Variants in GPC5 observed in about 807,000 individuals in gnomAD.
GPC5 encodes glypican-5.
GPC5 carries 47 observed loss-of-function variants against 53.9 expected under a neutral mutation model. The observed-to-expected ratio is 0.87, with a 90% CI of 0.69 to 1.11. The LOEUF (loss-of-function observed/expected upper bound fraction) is 1.11. Among genes scored for constraint, GPC5 ranks in the 50% most tolerant of loss-of-function variants. The probability of loss-of-function intolerance (pLI) is 0.00; values close to 1 mark genes in which losing one functional copy is unlikely to be tolerated. For synonymous variants in GPC5, 286 were observed against 263.3 expected (o/e 1.09, Z -0.84); for missense variants, 748 against 713.1 (o/e 1.05, Z -0.56).
chr13:92,334,538 C>T (rs1007814576), intron 7 of GPC5, among the ~76,000 whole-genome samples: 5 of 152,118 alleles, frequency 3.3e-5, no homozygotes, highest in Admixed American at 1.3e-4. Context: ...CAATTATGCC[C>T]TCCCAACAGT....
At chr13:92,315,180 G>A (rs546530144) in intron 7 of GPC5, among the ~76,000 whole-genome samples, 4 of 152,256 alleles carry the variant, frequency 2.6e-5, no homozygotes, top group East Asian at 3.9e-4. Flanking sequence ...CGATATATTC[G>A]GAAGGTTACA....
intron 2 of GPC5, among the ~76,000 whole-genome samples, chr13:91,477,387 T>G (rs1882992475): frequency 6.6e-6 from 1 of 152,140 alleles, no homozygotes; most frequent in Non-Finnish European, 1.5e-5. Context: ...CCCTTGGGTT[T>G]CTGGCTTGAA....
In GPC5 at chr13:92,021,004, C is replaced by T. The variant is rs2040753306; in HGVS notation, c.1401+112947C>T. Among the ~76,000 whole-genome samples the T allele has an allele frequency of 2.0e-5, 3 of 152,006 alleles. No homozygotes were observed. In the South Asian group the frequency reaches 6.2e-4, roughly 32 times the overall value. On this transcript the variant is annotated intron_variant, in intron 6 of 7. Coordinates refer to ENST00000377067, the MANE Select transcript of GPC5 (RefSeq NM_004466.6). ...ATTTTGAGTTGATTTTTGTGTACGC[C>T]ATAAAATAAGGGTCTAATTTCATTC... is the stretch of plus-strand genomic sequence containing the variant.
At chr13:92,077,630 T>C (rs544447098) in intron 6 of GPC5, among the ~76,000 whole-genome samples, 51 of 152,316 alleles carry the variant, frequency 3.3e-4, no homozygotes, top group Non-Finnish European at 5.9e-4. Flanking sequence ...TGCTGCTTCC[T>C]CCTTGATCTG....
At chr13:91,677,188 G>A (rs1010181957) in intron 2 of GPC5, among the ~76,000 whole-genome samples, 6 of 152,098 alleles carry the variant, frequency 3.9e-5, no homozygotes, top group Non-Finnish European at 8.8e-5. Flanking sequence ...AAAGAAAAAG[G>A]GAATCATAAG....
chr13:92,426,756 A>G (rs930793739), intron 7 of GPC5, among the ~76,000 whole-genome samples: 3 of 152,070 alleles, frequency 2.0e-5, no homozygotes, highest in African/African-American at 7.2e-5. Context: ...AAAAATTAAG[A>G]AACTATGGAT....
intron 7 of GPC5, among the ~76,000 whole-genome samples, chr13:92,395,867 T>C (rs1407521959): frequency 6.6e-6 from 1 of 152,016 alleles, no homozygotes; most frequent in Non-Finnish European, 1.5e-5. Flanking sequence ...TGTTTTGGTT[T>C]TCTGCAGTTT....
intron 7 of GPC5, among the ~76,000 whole-genome samples, chr13:92,611,570 C>A (rs1411165459): frequency 2.0e-5 from 3 of 150,244 alleles, no homozygotes; most frequent in African/African-American, 7.6e-5. Context: ...AAAATGGAAT[C>A]TGTTAGTAGT....
At chr13:92,803,459 C>A (rs1373232445) in intron 7 of GPC5, among the ~76,000 whole-genome samples, 1 of 151,908 alleles carries the variant, frequency 6.6e-6, no homozygotes, top group Non-Finnish European at 1.5e-5. Context: ...CATAAACTCT[C>A]TTGGGAGCCT....
intron 7 of GPC5, among the ~76,000 whole-genome samples, chr13:92,360,073 G>A (rs2043553783): frequency 6.6e-6 from 1 of 151,642 alleles, no homozygotes; most frequent in South Asian, 2.1e-4. Flanking sequence ...AAGCTCTTAA[G>A]TTTAATTAGA....
chr13:91,676,289 T>A (rs896955586), intron 2 of GPC5, among the ~76,000 whole-genome samples: 4 of 152,172 alleles, frequency 2.6e-5, no homozygotes, highest in African/African-American at 4.8e-5. Flanking sequence ...CAGGCTGGTC[T>A]TGAACTCCTG....
At chr13:92,164,942 T>C (rs1459234078) in intron 7 of GPC5, among the ~76,000 whole-genome samples, 1 of 152,222 alleles carries the variant, frequency 6.6e-6, no homozygotes, top group Non-Finnish European at 1.5e-5. Flanking sequence ...TCTGAAGCAA[T>C]GGCCTGAGCT....
chr13:92,733,051 G>A (rs1048204488), intron 7 of GPC5, among the ~76,000 whole-genome samples: 20 of 151,588 alleles, frequency 1.3e-4, no homozygotes, highest in African/African-American at 4.4e-4. Context: ...TTACCAATAC[G>A]GGACAACAAT....
intron 7 of GPC5, among the ~76,000 whole-genome samples, chr13:92,598,669 A>C (rs1159324375): frequency 6.6e-6 from 1 of 152,198 alleles, no homozygotes; most frequent in Non-Finnish European, 1.5e-5. Flanking sequence ...ATAAATTTAC[A>C]CCGAACAAAT....
chr13:92,846,746 C>T (rs1878625116), intron 7 of GPC5, among the ~76,000 whole-genome samples: 2 of 152,306 alleles, frequency 1.3e-5, no homozygotes, highest in South Asian at 2.1e-4. Context: ...ATTTAGATAA[C>T]TTCTAACAGC....
At chr13:92,678,803 G>A (rs1366489515) in intron 7 of GPC5, among the ~76,000 whole-genome samples, 1 of 152,170 alleles carries the variant, frequency 6.6e-6, no homozygotes, top group Non-Finnish European at 1.5e-5. Context: ...GATCCAGGTA[G>A]TGAGATGTTA....
At chr13:91,800,577 C>G (rs140085513) in intron 5 of GPC5, among the ~76,000 whole-genome samples, 15 of 152,200 alleles carry the variant, frequency 9.9e-5, no homozygotes, top group African/African-American at 3.1e-4. Flanking sequence ...CGTTTTCAAT[C>G]CTCTAATCAT....
intron 7 of GPC5, among the ~76,000 whole-genome samples, chr13:92,271,970 T>C (rs1354288796): frequency 6.6e-6 from 1 of 152,202 alleles, no homozygotes; most frequent in Non-Finnish European, 1.5e-5. Context: ...CCTAATAGGA[T>C]GACGGGAGTC....
intron 7 of GPC5, among the ~76,000 whole-genome samples, chr13:92,847,460 C>A (rs1878649257): frequency 6.6e-6 from 1 of 152,030 alleles, no homozygotes; most frequent in Non-Finnish European, 1.5e-5. Flanking sequence ...TTGCTCTTCT[C>A]TTGATAGTGA....
Sources: gnomAD v4.1 joint callset for allele counts (sites outside exome capture counted in the v4.1 genomes callset) on GRCh38, gnomAD v4.1.1 for gene constraint, MANE v1.5 for transcripts, NCBI Gene and HGNC (gene_info 2026-07-23, HGNC 2026-07-21) for gene names.